Variants in ALMS1 observed in about 807,000 individuals in gnomAD.
ALMS1 encodes the protein centrosome-associated protein ALMS1.
ALMS1 carries 271 observed loss-of-function variants against 352.2 expected under a neutral mutation model. The ratio of observed to expected loss-of-function variants is 0.77; its 90% CI spans 0.70 to 0.85. The LOEUF is 0.85. Among genes scored for constraint, ALMS1 ranks in the 40% least tolerant of loss-of-function variants. The pLI, the probability that ALMS1 is intolerant of heterozygous loss-of-function variation, is 0.00. For synonymous variants in ALMS1, 1,865 were observed against 1,761.2 expected (o/e 1.06, Z -1.48); for missense variants, 5,445 against 4,870.7 (o/e 1.12, Z -3.51).
intron 12 of ALMS1, among the ~76,000 whole-genome samples, chr2:73,538,152 T>A (rs1311923461): frequency 1.3e-5 from 2 of 152,188 alleles, no homozygotes; most frequent in Non-Finnish European, 2.9e-5. Flanking sequence ...TGCAAATCAT[T>A]TATCTGTTGA....
At chr2:73,520,893 C>A (rs1166894517) in intron 11 of ALMS1, among the ~76,000 whole-genome samples, 2 of 151,954 alleles carry the variant, frequency 1.3e-5, no homozygotes, top group African/African-American at 4.8e-5. Context: ...CCATTCTTCC[C>A]CAAATGAAGA....
chr2:73,550,147 A>T, intron 12 of ALMS1, 120 bp from the exon 13 acceptor site: 1 of 1,012,348 alleles, frequency 9.9e-7, no homozygotes, highest in East Asian at 2.5e-5. Context: ...GGCATGAGCC[A>T]TCGTGCCTGG....
At chr2:73,404,899 CT>C (rs58122480) in intron 1 of ALMS1, among the ~76,000 whole-genome samples, 292 of 60,758 alleles carry the variant, frequency 4.8e-3, no homozygotes, top group Admixed American at 0.014. Flanking sequence ...TGTCCTGGAC[CT>C]TTTTTTTTTT....
chr2:73,528,375 A>G (rs1434644252), intron 11 of ALMS1, among the ~76,000 whole-genome samples: 1 of 152,204 alleles, frequency 6.6e-6, no homozygotes, highest in Non-Finnish European at 1.5e-5. Flanking sequence ...TTTAGCTGTA[A>G]GAATACTTGC....
intron 9 of ALMS1, among the ~76,000 whole-genome samples, chr2:73,478,112 C>T (rs1249944893): frequency 1.3e-5 from 2 of 152,134 alleles, no homozygotes; most frequent in African/African-American, 4.8e-5. Flanking sequence ...TTCATAGGTA[C>T]TCTTCATCTG....
chr2:73,532,578 G>A (rs548233130), intron 11 of ALMS1, among the ~76,000 whole-genome samples: 12 of 152,136 alleles, frequency 7.9e-5, no homozygotes, highest in South Asian at 2.1e-4. Context: ...GGGCTCTTTC[G>A]TCACCTTGGG....
chr2:73,495,555 G>C (rs1271311749), intron 10 of ALMS1, among the ~76,000 whole-genome samples: 2 of 152,136 alleles, frequency 1.3e-5, no homozygotes, highest in African/African-American at 4.8e-5. Context: ...TCTTATTTTT[G>C]AAGGGAGGAA....
At chr2:73,435,299 G>C (rs115556640) in intron 7 of ALMS1, among the ~76,000 whole-genome samples, 1,708 of 152,224 alleles carry the variant, frequency 0.011, 31 homozygotes, top group African/African-American at 0.038. Context: ...GGTTTTTCAT[G>C]TGTCTTGTGT....
At chr2:73,459,828 C>A (rs1415015933) in intron 9 of ALMS1, among the ~76,000 whole-genome samples, 1 of 152,168 alleles carries the variant, frequency 6.6e-6, no homozygotes, top group Admixed American at 6.5e-5. Context: ...CAGAGAGTGG[C>A]ATGTAGAAAC....
At chr2:73,436,555 A>G (rs1440612131) in intron 7 of ALMS1, among the ~76,000 whole-genome samples, 1 of 152,066 alleles carries the variant, frequency 6.6e-6, no homozygotes, top group Non-Finnish European at 1.5e-5. Flanking sequence ...ACTGGTCTCT[A>G]AGCCTTTGTT....
At chr2:73,393,733 CAGTT>C (rs1176853292) in intron 1 of ALMS1, among the ~76,000 whole-genome samples, 2 of 152,090 alleles carry the variant, frequency 1.3e-5, no homozygotes, top group African/African-American at 4.8e-5. Context: ...TGTAGAAAAT[CAGTT>C]AGCCATAGAT....
chr2:73,566,606 C>T (rs1022106256), intron 15 of ALMS1, among the ~76,000 whole-genome samples: 4 of 152,208 alleles, frequency 2.6e-5, no homozygotes, highest in African/African-American at 9.7e-5. Flanking sequence ...AGCAAAACCA[C>T]AGATAAGGGG....
chr2:73,564,233 G>T (rs1258957259), intron 15 of ALMS1, among the ~76,000 whole-genome samples: 1 of 151,930 alleles, frequency 6.6e-6, no homozygotes, highest in African/African-American at 2.4e-5. Flanking sequence ...TGGGAAGCTA[G>T]GGTGGGTGGA....
chr2:73,502,044 G>C (rs1318752811), intron 10 of ALMS1, among the ~76,000 whole-genome samples: 9 of 152,034 alleles, frequency 5.9e-5, no homozygotes, highest in East Asian at 1.9e-4. Context: ...TAAAATTTAA[G>C]TTTTCTCATT....
intron 10 of ALMS1, among the ~76,000 whole-genome samples, chr2:73,510,420 G>A (rs1002783630): frequency 4.6e-5 from 7 of 152,134 alleles, no homozygotes; most frequent in Non-Finnish European, 8.8e-5. Context: ...TTTTGTTGAT[G>A]TTGATGCTTT....
chr2:73,527,178 T>C (rs1673808257), intron 11 of ALMS1, among the ~76,000 whole-genome samples: 1 of 152,078 alleles, frequency 6.6e-6, no homozygotes, highest in South Asian at 2.1e-4. Flanking sequence ...TGCTAGTATT[T>C]TGTTGAGGAT....
chr2:73,568,975 G>A (rs1325559733), intron 15 of ALMS1, among the ~76,000 whole-genome samples: 1 of 117,174 alleles, frequency 8.5e-6, no homozygotes, highest in Admixed American at 9.8e-5. Flanking sequence ...AATTCAGCTT[G>A]CTTGCTGCTG....
intron 22 of ALMS1, among the ~76,000 whole-genome samples, chr2:73,609,190 T>A (rs1169083338): frequency 2.0e-5 from 3 of 152,204 alleles, no homozygotes; most frequent in Non-Finnish European, 4.4e-5. Context: ...ACCAGACTGA[T>A]GTGGGATGGG....
intron 10 of ALMS1, among the ~76,000 whole-genome samples, chr2:73,515,846 A>G (rs1673544850): frequency 6.6e-6 from 1 of 151,038 alleles, no homozygotes; most frequent in Non-Finnish European, 1.5e-5. Context: ...CACACAAACT[A>G]GGAAACCTAG....
Sources: allele counts gnomAD v4.1 joint callset (sites outside exome capture counted in the v4.1 genomes callset), GRCh38; gene constraint gnomAD v4.1.1; transcripts MANE v1.5; gene names NCBI Gene and HGNC (gene_info 2026-07-23, HGNC 2026-07-21).